Variants in FCHSD2 observed in about 807,000 individuals in gnomAD.
FCHSD2 encodes FCH and double SH3 domains 2.
In FCHSD2, 38 loss-of-function variants were observed where a neutral mutation model predicts 108.1. The ratio of observed to expected loss-of-function variants is 0.35; its 90% CI spans 0.27 to 0.46. The LOEUF (loss-of-function observed/expected upper bound fraction) is 0.46. FCHSD2 is among the 20% of genes least tolerant of loss of function. The pLI is 1.00. For synonymous variants in FCHSD2, 279 were observed against 314.7 expected (o/e 0.89, Z 1.20); for missense variants, 751 against 897.8 (o/e 0.84, Z 2.09).
intron 3 of FCHSD2, among the ~76,000 whole-genome samples, chr11:73,044,551 T>G (rs1315204114): frequency 2.0e-5 from 3 of 152,196 alleles, no homozygotes; most frequent in Non-Finnish European, 4.4e-5. Context: ...CACTCCAGCC[T>G]GGGTGACAGA....
chr11:73,135,901 T>C (rs892847975), intron 2 of FCHSD2, among the ~76,000 whole-genome samples: 3 of 152,152 alleles, frequency 2.0e-5, no homozygotes, highest in African/African-American at 4.8e-5. Flanking sequence ...TAGTGGCTCA[T>C]TTCTGTAATC....
intron 8 of FCHSD2, among the ~76,000 whole-genome samples, chr11:72,977,911 C>T (rs1857133945): frequency 6.6e-6 from 1 of 152,186 alleles, no homozygotes; most frequent in Non-Finnish European, 1.5e-5. Context: ...TTGGAACCAA[C>T]CCAAATGCCC....
At chr11:73,095,975 C>G (rs994394526) in intron 2 of FCHSD2, among the ~76,000 whole-genome samples, 1 of 149,458 alleles carries the variant, frequency 6.7e-6, no homozygotes, top group African/African-American at 2.5e-5. Flanking sequence ...TTGAAAGACA[C>G]AACCCTGAGC....
intron 14 of FCHSD2, among the ~76,000 whole-genome samples, chr11:72,846,166 G>A (rs1861135672): frequency 6.6e-6 from 1 of 151,310 alleles, no homozygotes; most frequent in Non-Finnish European, 1.5e-5. Flanking sequence ...TGAGTAAGCT[G>A]CTCCTCCTTT....
At chr11:73,027,266 G>C (rs1454813461) in intron 3 of FCHSD2, among the ~76,000 whole-genome samples, 2 of 152,194 alleles carry the variant, frequency 1.3e-5, no homozygotes, top group African/African-American at 4.8e-5. Flanking sequence ...GTAGGTCTCA[G>C]AGGGAGAAGA....
intron 4 of FCHSD2, among the ~76,000 whole-genome samples, chr11:73,001,788 C>T (rs1006354311): frequency 6.6e-6 from 1 of 152,212 alleles, no homozygotes; most frequent in African/African-American, 2.4e-5. Context: ...CTTAGCATCA[C>T]ACTGTGCTTT....
chr11:72,837,061 A>G lies in FCHSD2; in HGVS notation c.*1730T>C, dbSNP rs572055260. On this transcript the variant is annotated 3_prime_UTR_variant, in exon 20 of 20. Coordinates refer to ENST00000409418, the MANE Select transcript of FCHSD2 (RefSeq NM_014824.3). ...TTTGGCTAGCTAAAGACAGAATACA[A>G]GACTGGGTGGCAAGAACTGCTCTAT... 6 of 152,252 alleles carry G rather than the reference A, an allele frequency of 3.9e-5. No homozygotes were observed. The highest frequency in any genetic ancestry group is 8.8e-5 in the Non-Finnish European group (6 of 68,042). 9.4% of individuals were successfully genotyped at this position (152,252 alleles called of 1,614,324 possible).
At chr11:73,112,656 T>G (rs370908059) in intron 2 of FCHSD2, among the ~76,000 whole-genome samples, 6 of 152,270 alleles carry the variant, frequency 3.9e-5, no homozygotes, top group East Asian at 1.9e-4. Context: ...GGTGGTGGTG[T>G]TGGTGTTGTT....
intron 3 of FCHSD2, among the ~76,000 whole-genome samples, chr11:73,078,313 C>G (rs1404609683): frequency 6.6e-6 from 1 of 152,070 alleles, no homozygotes; most frequent in Admixed American, 6.6e-5. Flanking sequence ...ACCACATGCC[C>G]GATGCCCTAG....
intron 12 of FCHSD2, among the ~76,000 whole-genome samples, chr11:72,885,625 C>T (rs1855181308): frequency 6.6e-6 from 1 of 152,070 alleles, no homozygotes; most frequent in Non-Finnish European, 1.5e-5. Context: ...ACATGAAATA[C>T]CCCTCAGAAA....
intron 3 of FCHSD2, among the ~76,000 whole-genome samples, chr11:73,040,712 T>C (rs931941719): frequency 1.3e-5 from 2 of 152,268 alleles, no homozygotes; most frequent in African/African-American, 4.8e-5. Context: ...CAAACATTTA[T>C]CATTTCTTCA....
intron 12 of FCHSD2, among the ~76,000 whole-genome samples, chr11:72,875,971 C>T (rs569033485): frequency 1.3e-5 from 2 of 152,338 alleles, no homozygotes; most frequent in African/African-American, 4.8e-5. Context: ...GCCCTCTGGC[C>T]AGTCCTCTAG....
rs145978076 is a variant in FCHSD2, at chr11:72,852,752, A to G, written c.1309-2863T>C. Among the ~76,000 whole-genome samples, 508 of 152,286 alleles carry G rather than the reference A, an allele frequency of 3.3e-3. 4 individuals are homozygous for G. Among genetic ancestry groups the G allele is most frequent in the Admixed American group, 0.01 (159 of 15,296 alleles). On this transcript the variant is annotated intron_variant, in intron 13 of 19. Transcript: ENST00000409418. ...AAGACATGAAATCAACCTAAATACT[A>G]ATCAATGACAAGTTGAATAAAGAAA...
chr11:73,000,394 C>G (rs1374693869), intron 5 of FCHSD2, among the ~76,000 whole-genome samples: 1 of 152,084 alleles, frequency 6.6e-6, no homozygotes, highest in Non-Finnish European at 1.5e-5. Flanking sequence ...CTATTTTCAA[C>G]AGCCAACTTT....
intron 8 of FCHSD2, among the ~76,000 whole-genome samples, chr11:72,939,593 A>G (rs1856372515): frequency 7.6e-6 from 1 of 132,164 alleles, no homozygotes; most frequent in Admixed American, 7.7e-5. Context: ...AAGACGGTTG[A>G]TGGCTCTTTC....
chr11:72,955,500 C>T (rs1374959547), intron 8 of FCHSD2, among the ~76,000 whole-genome samples: 1 of 152,124 alleles, frequency 6.6e-6, no homozygotes, highest in Non-Finnish European at 1.5e-5. Context: ...GTGATCAAGT[C>T]ACCCTTTAAG....
intron 13 of FCHSD2, among the ~76,000 whole-genome samples, chr11:72,865,539 T>C (rs780432690): frequency 3.3e-5 from 5 of 152,230 alleles, no homozygotes; most frequent in Non-Finnish European, 7.3e-5. Context: ...ATTTATTCAA[T>C]GCTTACTACT....
At position 73,097,079 on chromosome 11, in the gene FCHSD2, T is replaced by G. The variant is rs564723888; in HGVS notation, c.120-13339A>C. 3.6e-5 allele frequency among the ~76,000 whole-genome samples: 5 copies of G among 137,256 alleles called. No homozygotes were observed. In the Admixed American group the frequency reaches 4.0e-4, roughly 11 times the overall value. The allele number at this position is 137,256 out of a possible 152,430, so 90.0% of individuals were successfully genotyped here. ...GTATAGTGGCACAATCTCAGCTCAC[T>G]GCAGCCTCGACCTCCCAGGCTCAAG... On this transcript the variant is annotated intron_variant, in intron 2 of 19. Coordinates refer to ENST00000409418, the MANE Select transcript of FCHSD2 (RefSeq NM_014824.3).
At chr11:73,141,441 T>G (rs1370896031) in intron 1 of FCHSD2, 1 of 190,708 alleles carries the variant, frequency 5.2e-6, no homozygotes, top group African/African-American at 2.3e-5. Flanking sequence ...CGGGCGGGGC[T>G]GGCGACAAGC....
Sources: gnomAD v4.1 joint callset for allele counts (sites outside exome capture counted in the v4.1 genomes callset) on GRCh38, gnomAD v4.1.1 for gene constraint, MANE v1.5 for transcripts, NCBI Gene and HGNC (gene_info 2026-07-23, HGNC 2026-07-21) for gene names.